The following UTS2 variants were observed in gnomAD, a reference collection of about 807,000 sequenced individuals.
UTS2 encodes the protein urotensin 2.
In UTS2, 10 loss-of-function variants were observed where a neutral mutation model predicts 12.6. The ratio of observed to expected loss-of-function variants is 0.80; its 90% confidence interval spans 0.49 to 1.35. The LOEUF is 1.35. Ranked by LOEUF, UTS2 falls within the 40% of genes most tolerant of loss-of-function variation. The pLI is 0.00. For synonymous variants in UTS2, 52 were observed against 50.0 expected (o/e 1.04, Z -0.17); for missense variants, 142 against 143.2 (o/e 0.99, Z 0.04).
At chr1:7,850,573 A>C (rs1161364255) in intron 2 of UTS2, among the ~76,000 whole-genome samples, 1 of 152,198 alleles carries the variant, frequency 6.6e-6, no homozygotes, top group African/African-American at 2.4e-5. Flanking sequence ...CTACCCCGCA[A>C]AAATAAAAGT....
intron 2 of UTS2, among the ~76,000 whole-genome samples, chr1:7,850,038 T>C (rs892229733): frequency 3.4e-4 from 52 of 151,792 alleles, no homozygotes; most frequent in Admixed American, 3.3e-3. Flanking sequence ...GGTGAGATCT[T>C]GGCTCACCAC....
the UTS2 span, among the ~76,000 whole-genome samples, chr1:7,876,285 T>A: frequency 6.6e-6 from 1 of 151,988 alleles, no homozygotes; most frequent in African/African-American, 2.4e-5. Flanking sequence ...TAGGAACACC[T>A]TGCCAACTAC....
At chr1:7,853,362 A>G (rs778683875), upstream of UTS2, 1 of 1,614,070 alleles carries the variant, frequency 6.2e-7, no homozygotes, top group African/African-American at 1.3e-5. Flanking sequence ...TGGCCAAAGC[A>G]AAGAGACGTG....
chr1:7,912,267 C>T, the UTS2 span, among the ~76,000 whole-genome samples: 1 of 152,076 alleles, frequency 6.6e-6, no homozygotes. Context: ...TCCTGAAAAC[C>T]AGCACCTTCT....
chr1:7,853,944 GAT>G (rs1290750474), upstream of UTS2, among the ~76,000 whole-genome samples: 1 of 152,202 alleles, frequency 6.6e-6, no homozygotes, highest in African/African-American at 2.4e-5. Flanking sequence ...AAGTTACAAA[GAT>G]AGGCCAGGCA....
chr1:7,869,281 A>G, the UTS2 span, among the ~76,000 whole-genome samples: 1 of 152,132 alleles, frequency 6.6e-6, no homozygotes, highest in Non-Finnish European at 1.5e-5. Context: ...GACCTTGACC[A>G]TCTGGGAAGG....
chr1:7,888,998 C>T, the UTS2 span, among the ~76,000 whole-genome samples: 1 of 151,328 alleles, frequency 6.6e-6, no homozygotes, highest in African/African-American at 2.4e-5. Context: ...CATAACTCCT[C>T]GAGGGCTGGT....
At chr1:7,905,629 G>A in the UTS2 span, among the ~76,000 whole-genome samples, 1 of 152,144 alleles carries the variant, frequency 6.6e-6, no homozygotes, top group African/African-American at 2.4e-5. Context: ...AAAGACTGCA[G>A]TGTTCCAAGG....
the UTS2 span, among the ~76,000 whole-genome samples, chr1:7,883,521 C>T: frequency 6.6e-6 from 1 of 152,048 alleles, no homozygotes; most frequent in Non-Finnish European, 1.5e-5. Context: ...TCATATTTCA[C>T]AACTAGAAGA....
At chr1:7,873,101 A>C in the UTS2 span, among the ~76,000 whole-genome samples, 1 of 152,222 alleles carries the variant, frequency 6.6e-6, no homozygotes, top group African/African-American at 2.4e-5. Context: ...GGTTTACTAA[A>C]TATTTTAATA....
the UTS2 span, among the ~76,000 whole-genome samples, chr1:7,889,797 T>G: frequency 6.6e-6 from 1 of 152,102 alleles, no homozygotes; most frequent in Non-Finnish European, 1.5e-5. Context: ...CCGGGCGCAG[T>G]GGCTCACGCC....
chr1:7,904,880 G>T, the UTS2 span, among the ~76,000 whole-genome samples: 1 of 141,056 alleles, frequency 7.1e-6, no homozygotes, highest in Non-Finnish European at 1.5e-5. Flanking sequence ...CTCCAGCTTG[G>T]GTGACAGAGT....
the UTS2 span, among the ~76,000 whole-genome samples, chr1:7,880,033 C>G: frequency 6.6e-6 from 1 of 151,944 alleles, no homozygotes; most frequent in African/African-American, 2.4e-5. Flanking sequence ...GAAGGGGGAG[C>G]ATTGATTGAG....
At chr1:7,907,641 TAA>T in the UTS2 span, among the ~76,000 whole-genome samples, 17 of 131,498 alleles carry the variant, frequency 1.3e-4, no homozygotes, top group Non-Finnish European at 1.6e-4. Context: ...ACCATGTCTC[TAA>T]AAAAAAAAAA....
chr1:7,906,576 A>C, the UTS2 span, among the ~76,000 whole-genome samples: 1 of 152,098 alleles, frequency 6.6e-6, no homozygotes, highest in Admixed American at 6.6e-5. Flanking sequence ...TTTACTCCCT[A>C]CTACCCCCTT....
At chr1:7,887,685 G>C in the UTS2 span, among the ~76,000 whole-genome samples, 1 of 150,178 alleles carries the variant, frequency 6.7e-6, no homozygotes, top group South Asian at 2.1e-4. Flanking sequence ...AGGATTGCTT[G>C]AGTCCAAGAG....
chr1:7,893,139 C>G, the UTS2 span, among the ~76,000 whole-genome samples: 1 of 152,102 alleles, frequency 6.6e-6, no homozygotes, highest in African/African-American at 2.4e-5. Flanking sequence ...TGCTTATTTA[C>G]TTTTTCTCTC....
At chr1:7,872,651 A>C in the UTS2 span, among the ~76,000 whole-genome samples, 1 of 152,190 alleles carries the variant, frequency 6.6e-6, no homozygotes, top group Non-Finnish European at 1.5e-5. Flanking sequence ...GCTGCAGAAG[A>C]ACTGAAAGCT....
upstream of UTS2, chr1:7,853,600 A>G (rs1638221334): frequency 2.3e-6 from 2 of 867,220 alleles, no homozygotes; most frequent in East Asian, 2.7e-5. Flanking sequence ...ACAATTCTGT[A>G]CATACACGTG....
Sources: allele counts gnomAD v4.1 joint callset (sites outside exome capture counted in the v4.1 genomes callset), GRCh38; gene constraint gnomAD v4.1.1; transcripts MANE v1.5; gene names NCBI Gene and HGNC (gene_info 2026-07-23, HGNC 2026-07-21).